The following SAXO1 variants were observed in gnomAD, a reference collection of about 807,000 sequenced individuals.
SAXO1 encodes the protein stabilizer of axonemal microtubules 1.
A neutral mutation model predicts 17.5 loss-of-function variants in SAXO1; 21 were observed. The ratio of observed to expected loss-of-function variants is 1.20; its 90% confidence interval spans 0.85 to 1.72. The LOEUF (loss-of-function observed/expected upper bound fraction) is 1.72, where lower values mean the gene tolerates loss of function less well. Among genes scored for constraint, SAXO1 ranks in the 40% most tolerant of loss-of-function variants. The pLI, the probability that SAXO1 is intolerant of heterozygous loss-of-function variation, is 0.00. For missense variants in SAXO1, 843 were observed against 596.0 expected (o/e 1.41, Z -4.32); for synonymous variants, 274 against 216.5 (o/e 1.27, Z -2.33).
At chr9:18,979,868 G>A (rs1833300443) in intron 1 of SAXO1, among the ~76,000 whole-genome samples, 1 of 152,126 alleles carries the variant, frequency 6.6e-6, no homozygotes, top group African/African-American at 2.4e-5. Context: ...TCTAGAAGTG[G>A]AGAAACCAAT....
chr9:18,939,274 G>A (rs984477820), intron 3 of SAXO1, among the ~76,000 whole-genome samples: 3 of 152,218 alleles, frequency 2.0e-5, no homozygotes, highest in African/African-American at 7.2e-5. Flanking sequence ...GGAGAAGAAT[G>A]CATTCAGTAG....
chr9:18,929,084 TAATA>T, intron 3 of SAXO1, 29 bp from the exon 4 acceptor site: 1 of 1,605,464 alleles, frequency 6.2e-7, no homozygotes, highest in African/African-American at 1.3e-5. Flanking sequence ...AGGTAATTAA[TAATA>T]AATCAAGTCA....
chr9:19,034,972 C>T (rs1281176892), upstream of SAXO1, among the ~76,000 whole-genome samples: 4 of 152,186 alleles, frequency 2.6e-5, no homozygotes, highest in Non-Finnish European at 4.4e-5. Context: ...CTCCCCACTT[C>T]CTCCATCCAT....
chr9:18,968,635 C>T (rs984100057), intron 1 of SAXO1, among the ~76,000 whole-genome samples: 2 of 148,624 alleles, frequency 1.3e-5, no homozygotes, highest in Non-Finnish European at 1.5e-5. Flanking sequence ...CTCTTGTTGC[C>T]TAGGCTGGAA....
chr9:18,971,801 G>T (rs986838005), intron 1 of SAXO1, among the ~76,000 whole-genome samples: 4 of 151,874 alleles, frequency 2.6e-5, no homozygotes, highest in Admixed American at 6.6e-5. Context: ...CTTTCCAATT[G>T]TACTTTTTCA....
chr9:18,980,274 T>C (rs1175552749), intron 1 of SAXO1, among the ~76,000 whole-genome samples: 1 of 151,966 alleles, frequency 6.6e-6, no homozygotes, highest in Admixed American at 6.6e-5. Context: ...GACTCCACAG[T>C]AGGAGTTTAG....
At chr9:18,933,812 C>T (rs1238289719) in intron 3 of SAXO1, among the ~76,000 whole-genome samples, 1 of 152,146 alleles carries the variant, frequency 6.6e-6, no homozygotes. Context: ...TTTGGGAGGC[C>T]AAGGTGGGCT....
intron 2 of SAXO1, among the ~76,000 whole-genome samples, chr9:18,942,285 C>G (rs985756164): frequency 1.3e-5 from 2 of 152,196 alleles, no homozygotes; most frequent in African/African-American, 4.8e-5. Context: ...AGGTAAAATT[C>G]AACTTCCTGG....
chr9:18,938,357 T>A (rs1368880604), intron 3 of SAXO1, among the ~76,000 whole-genome samples: 1 of 152,142 alleles, frequency 6.6e-6, no homozygotes, highest in Non-Finnish European at 1.5e-5. Context: ...CATGGTAGCA[T>A]CTGTTTCTGG....
chr9:18,935,430 C>G (rs1275782860), intron 3 of SAXO1, among the ~76,000 whole-genome samples: 1 of 152,126 alleles, frequency 6.6e-6, no homozygotes, highest in African/African-American at 2.4e-5. Context: ...AAGCACTAGG[C>G]CTAACTAGGG....
rs1284360769 is a variant in SAXO1, at chr9:18,974,149, G to A, written c.39-23212C>T. On this transcript the variant is annotated intron_variant, in intron 1 of 3. Coordinates refer to ENST00000380534, the MANE Select transcript of SAXO1 (RefSeq NM_153707.4). ...GGCATCCAAAATAGTTAAGAAGACT[G>A]GTTATGTTTTACAAACCAGTAAATA... Among the ~76,000 whole-genome samples, 7 of 152,132 alleles carry A rather than the reference G, an allele frequency of 4.6e-5. No homozygotes were observed. In the East Asian group the frequency reaches 1.2e-3, roughly 25 times the overall value.
intron 3 of SAXO1, 47 bp downstream of exon 3, chr9:18,941,590 A>G: frequency 6.2e-7 from 1 of 1,608,836 alleles, no homozygotes; most frequent in Non-Finnish European, 8.5e-7. Context: ...GCCCGCACAC[A>G]GGCTCAGCCT....
chr9:19,002,531 A>C (rs1834319362), intron 1 of SAXO1, among the ~76,000 whole-genome samples: 1 of 152,220 alleles, frequency 6.6e-6, no homozygotes, highest in Non-Finnish European at 1.5e-5. Flanking sequence ...CAGCACATCA[A>C]ATGCTTATCC....
At chr9:19,004,434 C>T (rs1184141859) in intron 1 of SAXO1, among the ~76,000 whole-genome samples, 2 of 152,160 alleles carry the variant, frequency 1.3e-5, no homozygotes, top group African/African-American at 4.8e-5. Context: ...TATTGCGGCA[C>T]TATTCACAAT....
chr9:19,034,367 T>C (rs544067650), upstream of SAXO1, among the ~76,000 whole-genome samples: 3 of 152,266 alleles, frequency 2.0e-5, no homozygotes, highest in South Asian at 2.1e-4. Flanking sequence ...TATCTGGCCA[T>C]TGAGCTAAGA....
At chr9:18,938,339 A>G (rs933489993) in intron 3 of SAXO1, among the ~76,000 whole-genome samples, 1 of 152,184 alleles carries the variant, frequency 6.6e-6, no homozygotes, top group Admixed American at 6.5e-5. Flanking sequence ...TGCAGGATGT[A>G]CAGGAAGCAT....
At chr9:19,042,401 A>G (rs1011265179) in intron 1 of SAXO1, among the ~76,000 whole-genome samples, 1 of 152,218 alleles carries the variant, frequency 6.6e-6, no homozygotes, top group Admixed American at 6.5e-5. Context: ...TTAAAAAGCT[A>G]AAAATGGTAC....
In SAXO1 at chr9:18,950,766, A is replaced by G. The variant is rs989034734; in HGVS notation, c.210T>C (p.Thr70=). The change falls in exon 2 of 4, where the codon ACT becomes ACC. Residue 70 remains threonine, a synonymous_variant. Transcript: ENST00000380534. The part of the protein sequence containing the change: ...QKGPIPMEGL[T]TSRRDFGPHK... ...ATACTGTTTGCCCTCACCTTGATGT[A>G]GTCAGGCCTTCCATTGGTATAGGCC... 5.6e-6 allele frequency: 9 copies of G among 1,613,010 alleles called. No homozygotes were observed. In the Admixed American group the frequency reaches 8.3e-5, roughly 15 times the overall value.
chr9:19,016,241 G>A (rs1372483489), intron 1 of SAXO1, among the ~76,000 whole-genome samples: 1 of 152,116 alleles, frequency 6.6e-6, no homozygotes, highest in Non-Finnish European at 1.5e-5. Context: ...TTCGAGACCG[G>A]CCTGACGAAC....
Sources: allele counts gnomAD v4.1 joint callset (sites outside exome capture counted in the v4.1 genomes callset), GRCh38; gene constraint gnomAD v4.1.1; transcripts MANE v1.5; gene names NCBI Gene and HGNC (gene_info 2026-07-23, HGNC 2026-07-21).